PLA2G4E: variants seen among roughly 807,000 people sequenced by gnomAD.
The protein encoded by PLA2G4E is phospholipase A2 group IVE, also known as cytosolic phospholipase A2 epsilon.
A neutral mutation model predicts 109.1 loss-of-function variants in PLA2G4E; 84 were observed. That is an observed-to-expected ratio of 0.77 (90% CI 0.65 to 0.92). PLA2G4E has a LOEUF of 0.92. Ranked by LOEUF, PLA2G4E falls within the 40% of genes least tolerant of loss-of-function variation. The pLI is 0.00. For missense variants in PLA2G4E, 1,057 were observed against 1,076.6 expected, an observed-to-expected ratio of 0.98 and a Z score of 0.25; for synonymous variants, 469 against 436.1, an observed-to-expected ratio of 1.08 and a Z score of -0.94.
intron 11 of PLA2G4E, 149 bp from the exon 12 acceptor site, chr15:41,995,645 C>A: frequency 1.0e-6 from 1 of 975,368 alleles, no homozygotes; most frequent in East Asian, 2.6e-5. Context: ...CACCTGACAC[C>A]TGCCTTTCCA....
intron 11 of PLA2G4E, among the ~76,000 whole-genome samples, chr15:41,996,053 C>T (rs983425605): frequency 6.6e-6 from 1 of 152,070 alleles, no homozygotes; most frequent in Admixed American, 6.5e-5. Context: ...TGGAATGTTT[C>T]CCTAAAGATA....
chr15:42,047,605 T>C (rs1240027816), intron 1 of PLA2G4E, among the ~76,000 whole-genome samples: 2 of 152,214 alleles, frequency 1.3e-5, no homozygotes, highest in Non-Finnish European at 2.9e-5. Flanking sequence ...GGTGGGTCCT[T>C]GCAGTTCCCC....
exon 16 of PLA2G4E, chr15:41,988,129 T>A: frequency 6.2e-7 from 1 of 1,603,486 alleles, no homozygotes; most frequent in Non-Finnish European, 8.5e-7. Context: ...ATCCAGCAGG[T>A]TCAGGGAGAA....
At chr15:41,989,699 G>A (rs983305641) in intron 14 of PLA2G4E, 147 bp from the exon 15 acceptor site, 8 of 1,122,334 alleles carry the variant, frequency 7.1e-6, no homozygotes, top group Admixed American at 2.8e-5. Context: ...ACACATGGGG[G>A]CACCCTTGGC....
chr15:42,043,417 C>T (rs961967940), intron 1 of PLA2G4E, among the ~76,000 whole-genome samples: 1 of 151,422 alleles, frequency 6.6e-6, no homozygotes, highest in Non-Finnish European at 1.5e-5. Flanking sequence ...GCCATCCACT[C>T]GGCCTTTCTC....
chr15:42,020,824 T>G (rs911825685), intron 1 of PLA2G4E, among the ~76,000 whole-genome samples, 111 bp downstream of exon 1: 4 of 152,062 alleles, frequency 2.6e-5, no homozygotes, highest in African/African-American at 9.7e-5. Context: ...CTACCAGCCC[T>G]CCCTGAGGCC....
chr15:42,038,892 C>T (rs1889265438), intron 1 of PLA2G4E, among the ~76,000 whole-genome samples: 2 of 152,100 alleles, frequency 1.3e-5, no homozygotes, highest in Non-Finnish European at 2.9e-5. Context: ...TTCACACTTC[C>T]AATACTATGT....
At chr15:41,990,092 A>C (rs1482052559) in intron 14 of PLA2G4E, 29 bp downstream of exon 14, 1 of 1,585,590 alleles carries the variant, frequency 6.3e-7, no homozygotes, top group African/African-American at 1.4e-5. Flanking sequence ...CCTCCACCCC[A>C]CTTGTAAATC....
At chr15:41,984,035 C>T in intron 19 of PLA2G4E, 61 bp from the exon 20 acceptor site, 1 of 1,466,808 alleles carries the variant, frequency 6.8e-7, no homozygotes, top group Non-Finnish European at 9.3e-7. Flanking sequence ...TGACTTGTTT[C>T]CACATCTCTC....
At position 42,002,674 on chromosome 15, in the gene PLA2G4E, CGAGGGTCTCAGGTGGA is replaced by C; in HGVS notation, c.573_588del (p.Pro192SerfsTer29). The C allele has an allele frequency of 6.3e-7, 1 of 1,584,966 alleles. No individual in the cohort carries two copies. Among genetic ancestry groups the C allele is most frequent in the Non-Finnish European group, 8.6e-7 (1 of 1,165,490 alleles). On this transcript the variant is annotated frameshift_variant, in exon 6 of 20. Transcript: ENST00000399518. LOFTEE classifies it high-confidence loss of function. Reference sequence around the variant, plus strand: ...ATTACCACCAGCACGCCATTGGTGACGAGGGTCTCAGGTGGAGAGGGACTGAAAAACAAAAGGAGAA... The same window carrying C: ...ATTACCACCAGCACGCCATTGGTGACGAGGGACTGAAAAACAAAAGGAGAA...
At chr15:41,986,853 A>G (rs942387337) in intron 17 of PLA2G4E, 8 of 379,992 alleles carry the variant, frequency 2.1e-5, no homozygotes, top group Non-Finnish European at 3.9e-5. Context: ...CCAGAACACA[A>G]CTGCAGAAAG....
intron 15 of PLA2G4E, among the ~76,000 whole-genome samples, chr15:41,988,413 C>A (rs1419699811): frequency 6.6e-6 from 1 of 152,136 alleles, no homozygotes; most frequent in African/African-American, 2.4e-5. Context: ...ACAGCCCCGG[C>A]AGGGATTTAA....
chr15:41,996,775 G>A (rs1260664009), intron 11 of PLA2G4E, among the ~76,000 whole-genome samples: 3 of 152,236 alleles, frequency 2.0e-5, no homozygotes, highest in African/African-American at 4.8e-5. Flanking sequence ...GGCCTTTTGG[G>A]TGGAGGTGTG....
chr15:41,987,879 AGGG>A (rs2068169681), intron 16 of PLA2G4E, among the ~76,000 whole-genome samples, 167 bp downstream of exon 16: 1 of 151,482 alleles, frequency 6.6e-6, no homozygotes, highest in African/African-American at 2.4e-5. Flanking sequence ...CCCAGCCATG[AGGG>A]AAAGCCGGGG....
exon 4 of PLA2G4E, chr15:42,006,014 G>T (rs766776514): frequency 3.7e-6 from 6 of 1,613,844 alleles, no homozygotes; most frequent in African/African-American, 2.7e-5. Flanking sequence ...GAAACTTCAC[G>T]TGGGTTTTCT....
Position 41,986,014 on chromosome 15 carries a change from C to A in PLA2G4E, c.2036-9G>T. The A allele has an allele frequency of 6.3e-7, 1 of 1,583,432 alleles. No homozygotes were observed. The highest frequency in any genetic ancestry group is 8.6e-7 in the Non-Finnish European group (1 of 1,163,618). ...ACCATCTAGCACTGTGTCTGAAAGCCAAGCCTTCCCGTTACCAACACACCT... is the reference window on the plus strand; with the variant it reads ...ACCATCTAGCACTGTGTCTGAAAGCAAAGCCTTCCCGTTACCAACACACCT... On this transcript the variant is annotated splice_polypyrimidine_tract_variant and intron_variant, in intron 17 of 19. Transcript: ENST00000399518.
intron 2 of PLA2G4E, among the ~76,000 whole-genome samples, chr15:42,012,848 G>C (rs2068550723): frequency 1.3e-5 from 2 of 152,210 alleles, no homozygotes; most frequent in South Asian, 4.1e-4. Flanking sequence ...TTCCTGTGTG[G>C]TTACCGGTGA....
chr15:42,030,153 A>T (rs1277602802), intron 1 of PLA2G4E, among the ~76,000 whole-genome samples: 1 of 152,170 alleles, frequency 6.6e-6, no homozygotes, highest in African/African-American at 2.4e-5. Flanking sequence ...GGAGAAGGGA[A>T]TTAAGGAGGT....
intron 4 of PLA2G4E, 82 bp downstream of exon 4, chr15:42,005,908 T>G: frequency 1.3e-6 from 2 of 1,504,496 alleles, no homozygotes; most frequent in Non-Finnish European, 1.8e-6. Flanking sequence ...GAGAAGACCC[T>G]GGGGAATGGC....
Sources: gnomAD v4.1 joint callset for allele counts (sites outside exome capture counted in the v4.1 genomes callset) on GRCh38, gnomAD v4.1.1 for gene constraint, MANE v1.5 for transcripts, NCBI Gene and HGNC (gene_info 2026-07-23, HGNC 2026-07-21) for gene names.